The following NR2C1 variants were observed in gnomAD, a reference collection of about 807,000 sequenced individuals.
NR2C1 encodes nuclear receptor subfamily 2 group C member 1.
A neutral mutation model predicts 74.8 loss-of-function variants in NR2C1; 33 were observed. The ratio of observed to expected loss-of-function variants is 0.44; its 90% confidence interval spans 0.33 to 0.59. The LOEUF (loss-of-function observed/expected upper bound fraction) is 0.59, where lower values mean the gene tolerates loss of function less well. NR2C1 is among the 20% of genes least tolerant of loss of function. NR2C1 has a pLI of 0.02. For synonymous variants in NR2C1, 225 were observed against 240.6 expected, an observed-to-expected ratio of 0.94 and a Z score of 0.60; for missense variants, 568 against 715.6, an observed-to-expected ratio of 0.79 and a Z score of 2.35.
At chr12:95,041,442 A>G (rs1267426714) in intron 9 of NR2C1, among the ~76,000 whole-genome samples, 1 of 152,112 alleles carries the variant, frequency 6.6e-6, no homozygotes, top group African/African-American at 2.4e-5. Flanking sequence ...AGATTGAGCC[A>G]CTGCACTCCA....
chr12:95,026,866 A>C (rs1413392438), intron 12 of NR2C1: 1 of 152,214 alleles, frequency 6.6e-6, no homozygotes, highest in Admixed American at 6.5e-5. Context: ...TGAAAACTGT[A>C]AACTGGCAGG....
chr12:95,029,583 A>T (rs1175313777), intron 11 of NR2C1, among the ~76,000 whole-genome samples: 7 of 125,690 alleles, frequency 5.6e-5, no homozygotes, highest in Admixed American at 5.1e-4. Context: ...TTTGAGATGG[A>T]GTCTCGCTCT....
intron 10 of NR2C1, among the ~76,000 whole-genome samples, chr12:95,035,017 TAAC>T (rs1471770311): frequency 1.3e-5 from 2 of 152,066 alleles, no homozygotes; most frequent in Non-Finnish European, 2.9e-5. Context: ...CTGGATATAA[TAAC>T]AAAGAAAACT....
chr12:95,039,639 C>CT (rs1191674271), intron 10 of NR2C1, among the ~76,000 whole-genome samples: 2 of 152,074 alleles, frequency 1.3e-5, no homozygotes, highest in East Asian at 1.9e-4. Flanking sequence ...TAGATATACT[C>CT]TTTTTTAAGA....
chr12:95,061,997 G>C (rs567758670), intron 3 of NR2C1, among the ~76,000 whole-genome samples: 71 of 152,358 alleles, frequency 4.7e-4, no homozygotes, highest in African/African-American at 1.7e-3. Context: ...CAACAAAGGA[G>C]GCACAATGTT....
chr12:95,060,902 A>C (rs1874685200), intron 3 of NR2C1, among the ~76,000 whole-genome samples: 2 of 152,220 alleles, frequency 1.3e-5, no homozygotes. Context: ...CACAAAAATC[A>C]GTCTTCAGTA....
At chr12:95,025,995 C>A (rs976187149) in intron 12 of NR2C1, among the ~76,000 whole-genome samples, 17 of 151,770 alleles carry the variant, frequency 1.1e-4, no homozygotes, top group African/African-American at 4.1e-4. Context: ...ATCACAAGGT[C>A]AGGGGTTCAA....
At chr12:95,046,162 A>G (rs1430725061) in intron 9 of NR2C1, among the ~76,000 whole-genome samples, 1 of 152,136 alleles carries the variant, frequency 6.6e-6, no homozygotes, top group Non-Finnish European at 1.5e-5. Context: ...AAATATTACT[A>G]CTGCCCTTGA....
At chr12:95,052,680 T>G (rs1873199780) in intron 7 of NR2C1, among the ~76,000 whole-genome samples, 1 of 151,982 alleles carries the variant, frequency 6.6e-6, no homozygotes, top group African/African-American at 2.4e-5. Flanking sequence ...CTTGAACTCC[T>G]GGTATCAAGT....
intron 10 of NR2C1, among the ~76,000 whole-genome samples, chr12:95,035,591 GA>G (rs1233143641): frequency 6.6e-6 from 1 of 152,092 alleles, no homozygotes; most frequent in Non-Finnish European, 1.5e-5. Flanking sequence ...TATTACTAAG[GA>G]AAAAAGACAC....
intron 8 of NR2C1, among the ~76,000 whole-genome samples, chr12:95,050,225 GCCT>G (rs1872795609): frequency 6.6e-6 from 1 of 152,084 alleles, no homozygotes; most frequent in African/African-American, 2.4e-5. Context: ...TTTTCAATAA[GCCT>G]CCTAGAGTTT....
At chr12:95,073,205 C>T (rs922536256) in intron 1 of NR2C1, among the ~76,000 whole-genome samples, 175 bp downstream of exon 1, 1 of 152,218 alleles carries the variant, frequency 6.6e-6, no homozygotes, top group African/African-American at 2.4e-5. Context: ...GCTCCGCGCT[C>T]CCAGCCGAAG....
chr12:95,036,459 T>C (rs1378988108), intron 10 of NR2C1, among the ~76,000 whole-genome samples: 1 of 151,954 alleles, frequency 6.6e-6, no homozygotes, highest in African/African-American at 2.4e-5. Flanking sequence ...TAATTTCTTT[T>C]ACAAATAGGT....
intron 3 of NR2C1, among the ~76,000 whole-genome samples, chr12:95,060,250 G>GT (rs1373361549): frequency 2.6e-5 from 4 of 152,148 alleles, no homozygotes; most frequent in Non-Finnish European, 4.4e-5. Context: ...TTTCCTTGAG[G>GT]TAATTATAAT....
At chr12:95,030,009 GA>G (rs1282485778) in intron 11 of NR2C1, among the ~76,000 whole-genome samples, 3 of 152,136 alleles carry the variant, frequency 2.0e-5, no homozygotes, top group Admixed American at 6.5e-5. Flanking sequence ...CTGGGACTAT[GA>G]CTATAGGCAT....
intron 1 of NR2C1, among the ~76,000 whole-genome samples, chr12:95,069,633 C>A (rs1361100910): frequency 6.6e-6 from 1 of 152,162 alleles, no homozygotes; most frequent in Non-Finnish European, 1.5e-5. Flanking sequence ...CAGAACACAT[C>A]CCCATAACAT....
chr12:95,056,478 T>G (rs1241091706), intron 7 of NR2C1, among the ~76,000 whole-genome samples: 1 of 152,198 alleles, frequency 6.6e-6, no homozygotes, highest in Admixed American at 6.5e-5. Context: ...CTAAGAGAAC[T>G]GGATGACTTG....
intron 13 of NR2C1, among the ~76,000 whole-genome samples, chr12:95,023,691 G>A (rs1463301500): frequency 6.6e-6 from 1 of 152,104 alleles, no homozygotes. Context: ...GTTTCTTAGG[G>A]TAAGACCCTA....
rs1555204185 is a variant in NR2C1 at position 95,028,275 on chromosome 12, C to CAAAA, written c.1531+111_1531+112insTTTT. ...TAACCTTTTGAAGAACTACTGAACT[C>CAAAA]TTTTCCCAGGTAACTGCACCATTTT... On this transcript the variant is annotated intron_variant, in intron 12 of 13. Coordinates refer to ENST00000333003, the MANE Select transcript of NR2C1 (RefSeq NM_003297.4). 4.7e-4 allele frequency: 385 copies of CAAAA among 814,152 alleles called. 3 individuals carry two copies. In the East Asian group the frequency reaches 0.01, roughly 22 times the overall value. The allele number at this position is 814,152 out of a possible 1,614,324, so 50.4% of individuals were successfully genotyped here. A position where few individuals can be genotyped will look rare whatever the true frequency, so the allele number is the denominator to read the frequency against.
Sources: gnomAD v4.1 joint callset for allele counts (sites outside exome capture counted in the v4.1 genomes callset) on GRCh38, gnomAD v4.1.1 for gene constraint, MANE v1.5 for transcripts, NCBI Gene and HGNC (gene_info 2026-07-23, HGNC 2026-07-21) for gene names.